The following MTHFD2 variants were observed in gnomAD, a reference collection of about 807,000 sequenced individuals.
MTHFD2 encodes methylenetetrahydrofolate dehydrogenase (NADP+ dependent) 2, methenyltetrahydrofolate cyclohydrolase, also known as bifunctional methylenetetrahydrofolate dehydrogenase/cyclohydrolase, mitochondrial.
A neutral mutation model predicts 36.8 loss-of-function variants in MTHFD2; 26 were observed. The observed-to-expected ratio is 0.71, with a 90% CI of 0.52 to 0.98. The LOEUF is 0.98. Ranked by LOEUF, MTHFD2 falls within the 50% of genes least tolerant of loss-of-function variation. The pLI is 0.00. For missense variants in MTHFD2, 373 were observed against 434.0 expected, an observed-to-expected ratio of 0.86 and a Z score of 1.25; for synonymous variants, 164 against 155.2, an observed-to-expected ratio of 1.06 and a Z score of -0.42.
In MTHFD2 at chr2:74,215,210, CT is replaced by C. The variant is rs1193577289; in HGVS notation, c.*969del. On this transcript the variant is annotated 3_prime_UTR_variant, in exon 8 of 8. Coordinates refer to ENST00000394053, the MANE Select transcript of MTHFD2 (RefSeq NM_006636.4). ...AGAAATTTTTTAAGAGTTTGAGTTA[CT>C]ATTGAATTTAATCAGACTTTCTGAT... 2 of 152,528 alleles carry C rather than the reference CT, an allele frequency of 1.3e-5. No homozygotes were observed. The highest frequency in any genetic ancestry group is 2.9e-5 in the Non-Finnish European group (2 of 68,028). The allele number at this position is 152,528 out of a possible 1,614,324, so 9.4% of individuals were successfully genotyped here.
At chr2:74,204,236 G>C (rs1314055621) in intron 1 of MTHFD2, among the ~76,000 whole-genome samples, 6 of 152,024 alleles carry the variant, frequency 3.9e-5, no homozygotes, top group Non-Finnish European at 8.8e-5. Flanking sequence ...TTAAGTAATG[G>C]GCACTTTACT....
intron 1 of MTHFD2, among the ~76,000 whole-genome samples, chr2:74,199,845 A>AT (rs369533287): frequency 8.1e-4 from 123 of 152,188 alleles, no homozygotes; most frequent in African/African-American, 2.9e-3. Flanking sequence ...TGGGAAGGTG[A>AT]TTTGGTCGGT....
intron 1 of MTHFD2, among the ~76,000 whole-genome samples, chr2:74,200,233 G>A (rs576085508): frequency 3.9e-5 from 6 of 152,198 alleles, no homozygotes; most frequent in Admixed American, 2.0e-4. Flanking sequence ...ATGTGACTGT[G>A]GACCAGACCT....
chr2:74,209,875 A>G, intron 4 of MTHFD2, 67 bp from the exon 5 acceptor site: 3 of 1,398,588 alleles, frequency 2.1e-6, no homozygotes, highest in Non-Finnish European at 2.0e-6. Context: ...TTCATGTTCT[A>G]GGCCATCTGA....
intron 7 of MTHFD2, among the ~76,000 whole-genome samples, 174 bp from the exon 8 acceptor site, chr2:74,213,905 G>A (rs372397920): frequency 2.0e-5 from 3 of 152,142 alleles, no homozygotes; most frequent in Non-Finnish European, 4.4e-5. Flanking sequence ...AACTCTGTAT[G>A]TGCATGTTAT....
At chr2:74,205,112 C>T (rs79306212) in intron 1 of MTHFD2, among the ~76,000 whole-genome samples, 166 of 152,010 alleles carry the variant, frequency 1.1e-3, no homozygotes, top group Non-Finnish European at 1.8e-3. Flanking sequence ...CGTGAGCCAT[C>T]GTGCCCGGCC....
chr2:74,212,283 TTTGA>T (rs1694326085), intron 7 of MTHFD2, among the ~76,000 whole-genome samples: 1 of 130,452 alleles, frequency 7.7e-6, no homozygotes, highest in African/African-American at 3.0e-5. Context: ...TTTTTTTTTT[TTTGA>T]GACAGTCTCA....
intron 1 of MTHFD2, among the ~76,000 whole-genome samples, chr2:74,203,624 T>A (rs1312779170): frequency 6.6e-6 from 1 of 152,018 alleles, no homozygotes; most frequent in South Asian, 2.1e-4. Context: ...CAAGACTCTG[T>A]CTCAAAAAAA....
intron 4 of MTHFD2, among the ~76,000 whole-genome samples, chr2:74,209,198 T>G (rs1467473911): frequency 2.6e-5 from 4 of 151,950 alleles, no homozygotes; most frequent in Non-Finnish European, 2.9e-5. Context: ...AGTTTTTGCT[T>G]TTTAATCCAG....
At chr2:74,210,785 GTTTT>G (rs71406865) in intron 5 of MTHFD2, among the ~76,000 whole-genome samples, 2 of 132,068 alleles carry the variant, frequency 1.5e-5, no homozygotes, top group African/African-American at 2.9e-5. Context: ...CATTAAGTCA[GTTTT>G]TTTTTTTTTT....
At chr2:74,208,743 A>G (rs768611657) in intron 4 of MTHFD2, 22 bp downstream of exon 4, 6 of 1,611,180 alleles carry the variant, frequency 3.7e-6, no homozygotes, top group Non-Finnish European at 5.1e-6. Context: ...CCAGAATTGC[A>G]TGTCTGTGTT....
intron 1 of MTHFD2, among the ~76,000 whole-genome samples, chr2:74,201,494 C>T (rs1161759726): frequency 6.6e-6 from 1 of 151,752 alleles, no homozygotes; most frequent in Non-Finnish European, 1.5e-5. Flanking sequence ...GTAACTGGGA[C>T]CACAGGAGCA....
chr2:74,203,906 G>GTTTAGTTTAGTTTAGTTAGT (rs369717981), intron 1 of MTHFD2, among the ~76,000 whole-genome samples: 46 of 29,530 alleles, frequency 1.6e-3, no homozygotes, highest in East Asian at 4.4e-3. Flanking sequence ...GTTTAGTTTA[G>GTTTAGTTTAGTTTAGTTAGT]TTAGTTTAGT....
rs777889195 is a variant in MTHFD2 at position 74,198,679 on chromosome 2, G to T, written c.38G>T (p.Arg13Leu). The change falls in exon 1 of 8, where the codon CGG becomes CTG. Residue 13 changes from arginine to leucine, a missense_variant. Arg to Leu is a moderately radical substitution (Grantham distance 102). Transcript: ENST00000394053. ...ATSLMSALAA[R>L]LLQPAHSCSL... Reference sequence around the variant, plus strand: ...TCTCTAATGTCTGCTTTGGCTGCCCGGCTGCTGCAGCCCGCGCACAGCTGC... The same window carrying T: ...TCTCTAATGTCTGCTTTGGCTGCCCTGCTGCTGCAGCCCGCGCACAGCTGC... The T allele has an allele frequency of 8.7e-6, 14 of 1,611,050 alleles. No individual in the cohort carries two copies. The highest frequency in any genetic ancestry group is 1.3e-5 in the African/African-American group (1 of 74,814).
intron 6 of MTHFD2, 29 bp from the exon 7 acceptor site, chr2:74,211,712 A>T (rs1344895060): frequency 3.1e-6 from 5 of 1,596,256 alleles, no homozygotes; most frequent in Non-Finnish European, 4.3e-6. Flanking sequence ...TTTCAGTACT[A>T]AGTTGATCTT....
At chr2:74,206,786 G>T (rs1015257312) in intron 2 of MTHFD2, among the ~76,000 whole-genome samples, 3 of 152,114 alleles carry the variant, frequency 2.0e-5, no homozygotes, top group African/African-American at 7.2e-5. Flanking sequence ...TCGGCTCTCC[G>T]CAACCTCCGC....
intron 1 of MTHFD2, among the ~76,000 whole-genome samples, chr2:74,204,332 T>C (rs1016109961): frequency 2.6e-5 from 4 of 152,200 alleles, no homozygotes; most frequent in Non-Finnish European, 5.9e-5. Flanking sequence ...TAAGCAGTTC[T>C]CTTTGGGAAG....
At chr2:74,201,461 G>A (rs1694041182) in intron 1 of MTHFD2, among the ~76,000 whole-genome samples, 1 of 151,228 alleles carries the variant, frequency 6.6e-6, no homozygotes, top group Non-Finnish European at 1.5e-5. Flanking sequence ...GGGCTCAAGT[G>A]ATCCTCCCAC....
At chr2:74,212,847 C>T (rs1347990063) in intron 7 of MTHFD2, among the ~76,000 whole-genome samples, 3 of 151,826 alleles carry the variant, frequency 2.0e-5, no homozygotes, top group African/African-American at 2.4e-5. Context: ...TTAAAATGGT[C>T]CAGGAAAAAA....
Sources: gnomAD v4.1 joint callset for allele counts (sites outside exome capture counted in the v4.1 genomes callset) on GRCh38, gnomAD v4.1.1 for gene constraint, MANE v1.5 for transcripts, NCBI Gene and HGNC (gene_info 2026-07-23, HGNC 2026-07-21) for gene names.